PPP4R4: variants seen among roughly 807,000 people sequenced by gnomAD.
The protein encoded by PPP4R4 is protein phosphatase 4 regulatory subunit 4.
Under a neutral mutation model 121.8 loss-of-function variants are expected in PPP4R4, and 70 were observed. That is an observed-to-expected ratio of 0.57 (90% CI 0.47 to 0.70). The LOEUF is 0.70. Among genes scored for constraint, PPP4R4 ranks in the 30% least tolerant of loss-of-function variants. PPP4R4 has a pLI of 0.00. For missense variants in PPP4R4, 875 were observed against 1,033.6 expected (o/e 0.85, Z 2.10); for synonymous variants, 348 against 355.7 (o/e 0.98, Z 0.24).
intron 14 of PPP4R4, among the ~76,000 whole-genome samples, chr14:94,247,134 G>A (rs1180414596): frequency 6.6e-6 from 1 of 152,198 alleles, no homozygotes; most frequent in Non-Finnish European, 1.5e-5. Flanking sequence ...TCCCCACAAA[G>A]TTAATTGTCT....
chr14:94,213,874 G>A (rs1038447956), intron 3 of PPP4R4, among the ~76,000 whole-genome samples: 1 of 152,224 alleles, frequency 6.6e-6, no homozygotes, highest in African/African-American at 2.4e-5. Context: ...AAGCCACTCA[G>A]TTTGTGGTAA....
At chr14:94,272,042 GTTCATTGC>G (rs1894362431) in intron 23 of PPP4R4, among the ~76,000 whole-genome samples, 1 of 152,188 alleles carries the variant, frequency 6.6e-6, no homozygotes, top group Non-Finnish European at 1.5e-5. Flanking sequence ...GATGTCTCAT[GTTCATTGC>G]TAGAAATACT....
rs539643936 is a variant in PPP4R4 at position 94,277,605 on chromosome 14, T to G, written c.2598-1014T>G. Among the ~76,000 whole-genome samples the G allele has an allele frequency of 2.6e-5, 4 of 152,304 alleles. No homozygotes were observed. In the East Asian group the frequency reaches 7.7e-4, roughly 29 times the overall value. The stretch of plus-strand genomic sequence containing the variant: ...CATCAAAAGTAATCTCTTGTCCACT[T>G]GCTATATTTTTCTAAATGCCATAGG... On this transcript the variant is annotated intron_variant, in intron 24 of 24. Transcript: ENST00000304338.
rs372384889 is a variant in PPP4R4 at position 94,202,728 on chromosome 14, C to T, written c.192-5736C>T. Among the ~76,000 whole-genome samples, 6 of 152,266 alleles carry T rather than the reference C, an allele frequency of 3.9e-5. No homozygotes were observed. The East Asian group carries it at 7.7e-4, about 20-fold the overall frequency. ...GTGTGGTGGCTCACGCCTGTAATCC[C>T]AGCACTTTGGGAGGCTGAAGCAGGT... On this transcript the variant is annotated intron_variant, in intron 2 of 24. Coordinates refer to ENST00000304338, the MANE Select transcript of PPP4R4 (RefSeq NM_058237.2).
In PPP4R4 at chr14:94,241,903, A is replaced by G; in HGVS notation, c.1092A>G (p.Leu364=). 2 of 1,610,658 alleles carry G rather than the reference A, an allele frequency of 1.2e-6. No individual in the cohort carries two copies. Among genetic ancestry groups the G allele is most frequent in the Non-Finnish European group, 1.7e-6 (2 of 1,178,332 alleles). Residue 364 remains leucine (L), a synonymous_variant, in exon 10 of 25, where the codon CTA becomes CTG. Transcript: ENST00000304338. ...AAAACCAGATTCCACCCCAAATCCTAGAGCAGGAGAAGAAATATATTTCAG... is the reference window on the plus strand; with the variant it reads ...AAAACCAGATTCCACCCCAAATCCTGGAGCAGGAGAAGAAATATATTTCAG... ...HNENQIPPQI[L]EQEKKYISVR...
Position 94,257,642 on chromosome 14 carries a change from T to TGCACACAC in PPP4R4, c.2010+1038_2010+1039insGCACACAC, listed in dbSNP as rs10528485. Among the ~76,000 whole-genome samples, 622 of 146,984 alleles carry TGCACACAC rather than the reference T, an allele frequency of 4.2e-3. 20 individuals are homozygous for TGCACACAC. The highest frequency in any genetic ancestry group is 0.041 in the Admixed American group (603 of 14,794). On this transcript the variant is annotated intron_variant, in intron 17 of 24. Transcript: ENST00000304338. ...GTAGAGTTGCACATGCATTTAAATC[T>TGCACACAC]ACACACACACACACACACACACACA...
chr14:94,225,874 C>T (rs888274915), intron 3 of PPP4R4, among the ~76,000 whole-genome samples: 2 of 152,052 alleles, frequency 1.3e-5, no homozygotes, highest in African/African-American at 4.8e-5. Flanking sequence ...GCCCTGTTTC[C>T]TCTTTCTTAT....
rs201593197 is a variant in PPP4R4 at position 94,225,612 on chromosome 14, C to G, written c.295-4975C>G. Among the ~76,000 whole-genome samples the G allele has an allele frequency of 7.4e-4, 112 of 152,290 alleles. 1 individual carries two copies. In the East Asian group the frequency reaches 0.018, roughly 24 times the overall value. ...TGCTCATTGCTGGGTCTCTAGGTCT[C>G]TAGCACCTAGCAGCACAGTGCCTTG... On this transcript the variant is annotated intron_variant, in intron 3 of 24. Coordinates refer to ENST00000304338, the MANE Select transcript of PPP4R4 (RefSeq NM_058237.2).
intron 17 of PPP4R4, 129 bp from the exon 18 acceptor site, chr14:94,258,654 T>C (rs1893604949): frequency 1.5e-6 from 1 of 672,106 alleles, no homozygotes; most frequent in Non-Finnish European, 2.6e-6. Flanking sequence ...ACTTTAGTTT[T>C]CTGACTTAGT....
chr14:94,227,356 T>A (rs759994848), intron 3 of PPP4R4: 1 of 1,611,624 alleles, frequency 6.2e-7, no homozygotes, highest in Non-Finnish European at 8.5e-7. Flanking sequence ...AGGGTGTGAC[T>A]CTGTGGAGGA....
At chr14:94,242,019 G>A in intron 10 of PPP4R4, 62 bp downstream of exon 10, 1 of 1,455,394 alleles carries the variant, frequency 6.9e-7, no homozygotes. Flanking sequence ...TATGTGCATA[G>A]ATGGCATTCA....
At chr14:94,201,688 T>A (rs1890188781) in intron 2 of PPP4R4, among the ~76,000 whole-genome samples, 1 of 152,180 alleles carries the variant, frequency 6.6e-6, no homozygotes, top group African/African-American at 2.4e-5. Flanking sequence ...TCTACCCCTT[T>A]ACCTTAAGTT....
intron 24 of PPP4R4, among the ~76,000 whole-genome samples, chr14:94,276,205 G>A: frequency 6.6e-6 from 1 of 152,216 alleles, no homozygotes; most frequent in East Asian, 1.9e-4. Context: ...TAGGACACCT[G>A]AACCTTCTGG....
chr14:94,189,150 A>G (rs995765963), intron 2 of PPP4R4, among the ~76,000 whole-genome samples: 1 of 152,180 alleles, frequency 6.6e-6, no homozygotes, highest in East Asian at 1.9e-4. Context: ...TTATAGGATC[A>G]ATAGTTTTTA....
At chr14:94,195,091 C>T (rs984519854) in intron 2 of PPP4R4, among the ~76,000 whole-genome samples, 5 of 152,146 alleles carry the variant, frequency 3.3e-5, no homozygotes, top group Middle Eastern at 3.2e-3. Context: ...ATGGACCTTC[C>T]GCTTCATTTG....
intron 15 of PPP4R4, among the ~76,000 whole-genome samples, chr14:94,251,158 G>T (rs1480907803): frequency 6.6e-6 from 1 of 151,952 alleles, no homozygotes; most frequent in African/African-American, 2.4e-5. Context: ...GAACATTTAT[G>T]TAAAAAGTAG....
chr14:94,226,727 C>G (rs1380216546), intron 3 of PPP4R4, among the ~76,000 whole-genome samples: 1 of 152,042 alleles, frequency 6.6e-6, no homozygotes, highest in Non-Finnish European at 1.5e-5. Flanking sequence ...ATAGAAGTCC[C>G]TATTATTTAA....
At chr14:94,197,177 C>T (rs1446455296) in intron 2 of PPP4R4, among the ~76,000 whole-genome samples, 1 of 152,030 alleles carries the variant, frequency 6.6e-6, no homozygotes, top group Non-Finnish European at 1.5e-5. Flanking sequence ...TTCTGTTTCC[C>T]AGAATTTTTC....
intron 3 of PPP4R4, among the ~76,000 whole-genome samples, chr14:94,211,561 A>G (rs1890739948): frequency 6.6e-6 from 1 of 152,184 alleles, no homozygotes; most frequent in South Asian, 2.1e-4. Context: ...AGAAGAGGTT[A>G]GAGAAATGGT....
Sources: gnomAD v4.1 joint callset for allele counts (sites outside exome capture counted in the v4.1 genomes callset) on GRCh38, gnomAD v4.1.1 for gene constraint, MANE v1.5 for transcripts, NCBI Gene and HGNC (gene_info 2026-07-23, HGNC 2026-07-21) for gene names.